Variants in GRIN2C observed in about 807,000 individuals in gnomAD.
GRIN2C encodes glutamate receptor ionotropic, NMDA 2C.
Under a neutral mutation model 77.7 loss-of-function variants are expected in GRIN2C, and 64 were observed. The ratio of observed to expected loss-of-function variants is 0.82; its 90% CI spans 0.67 to 1.01. GRIN2C has a LOEUF of 1.01. Among genes scored for constraint, GRIN2C ranks in the 50% least tolerant of loss-of-function variants. The probability of loss-of-function intolerance (pLI) is 0.00; values close to 1 mark genes in which losing one functional copy is unlikely to be tolerated. For missense variants in GRIN2C, 1,549 were observed against 1,486.0 expected, an observed-to-expected ratio of 1.04 and a Z score of -0.70; for synonymous variants, 792 against 643.4, an observed-to-expected ratio of 1.23 and a Z score of -3.49.
chr17:74,842,886 C>T lies in GRIN2C; in HGVS notation c.3251G>A (p.Ser1084Asn). Reference sequence around the variant, plus strand: ...CCGAGCGAAGGCCTCGGCCACGGAGCTGGGCAGGGAAGCGTGACGCGGGCG... The same window carrying T: ...CCGAGCGAAGGCCTCGGCCACGGAGTTGGGCAGGGAAGCGTGACGCGGGCG... Reference protein sequence around the residue: ...GSRPRHASLPSSVAEAFARPS... With the variant: ...GSRPRHASLPNSVAEAFARPS... Residue 1084 changes from serine to asparagine, a missense_variant, in exon 13 of 13, where the codon AGC (serine) becomes AAC (asparagine). By Grantham distance (46) the Ser-to-Asn change is conservative. This residue lies in a region of GRIN2C where 450 missense variants were observed against 267.9 expected (regional missense o/e 1.68). Coordinates refer to ENST00000293190, the MANE Select transcript of GRIN2C (RefSeq NM_000835.6). 1 of 574,470 alleles carries T rather than the reference C, an allele frequency of 1.7e-6. No individual in the cohort carries two copies. The highest frequency in any genetic ancestry group is 3.0e-6 in the Non-Finnish European group (1 of 331,234). 35.6% of individuals were successfully genotyped at this position (574,470 alleles called of 1,614,324 possible).
At chr17:74,844,214 C>T (rs1001033501) in intron 12 of GRIN2C, 62 bp downstream of exon 12, 17 of 1,594,578 alleles carry the variant, frequency 1.1e-5, no homozygotes, top group Admixed American at 1.7e-5. Context: ...ATGGCCAGCC[C>T]GGACTTATCT....
chr17:74,850,047 T>C lies in GRIN2C; in HGVS notation c.1492-114A>G. 1 of 1,366,852 alleles carries C rather than the reference T, an allele frequency of 7.3e-7. No homozygotes were observed. The highest frequency in any genetic ancestry group is 1.0e-6 in the Non-Finnish European group (1 of 987,830). The allele number at this position is 1,366,852 out of a possible 1,614,324, so 84.7% of individuals were successfully genotyped here. A position where few individuals can be genotyped will look rare whatever the true frequency, so the allele number is the denominator to read the frequency against. ...CCCACCAGCTGAGTCAATCATTCCC[T>C]CTGGGGCCCTCAGAGCTCAGCTTTC... On this transcript the variant is annotated intron_variant, in intron 6 of 12. Coordinates refer to ENST00000293190, the MANE Select transcript of GRIN2C (RefSeq NM_000835.6). The surrounding 1 kb of genome is among the most constrained non-coding windows in gnomAD (Gnocchi z 5.3).
In GRIN2C at chr17:74,851,778, CATTG is replaced by C. The variant is rs1325456224; in HGVS notation, c.999-91_999-88del. The C allele has an allele frequency of 9.9e-5, 84 of 846,612 alleles. 2 individuals carry two copies. In the South Asian group the frequency reaches 1.2e-3, roughly 12 times the overall value. 52.4% of individuals were successfully genotyped at this position (846,612 alleles called of 1,614,324 possible). ...CACCGCCGCCACCGACAGCAGGTGGCATTGATTGTGTTTATTGTTCAAAGTGCTT... is the reference window on the plus strand; with the variant it reads ...CACCGCCGCCACCGACAGCAGGTGGCATTGTGTTTATTGTTCAAAGTGCTT... On this transcript the variant is annotated intron_variant, in intron 3 of 12. Coordinates refer to ENST00000293190, the MANE Select transcript of GRIN2C (RefSeq NM_000835.6).
At position 74,850,302 on chromosome 17, in the gene GRIN2C, C is replaced by T. The variant is rs769848963; in HGVS notation, c.1395G>A (p.Leu465=). Residue 465 remains leucine, a synonymous_variant, in exon 6 of 13, where the codon CTG becomes CTA. Transcript: ENST00000293190. This position sits in a 1 kb window ranked among gnomAD's most constrained non-coding sequence, Gnocchi z 5.3. ...CGTAGGAGAATTTGACCACTCTGGC[C>T]AGCTTCTTGAGGATGTCGATGCAGA... The part of the protein sequence containing the change: ...KGFCIDILKK[L]ARVVKFSYDL... 1 of 1,613,920 alleles carries T rather than the reference C, an allele frequency of 6.2e-7. No individual in the cohort carries two copies. Among genetic ancestry groups the T allele is most frequent in the Non-Finnish European group, 8.5e-7 (1 of 1,179,968 alleles).
rs771710859 is a variant in GRIN2C, at chr17:74,850,213, A to G, written c.1484T>C (p.Ile495Thr). The G allele has an allele frequency of 1.9e-6, 3 of 1,613,174 alleles. No individual in the cohort carries two copies. Among genetic ancestry groups the G allele is most frequent in the Middle Eastern group, 1.6e-4 (1 of 6,084 alleles). ...KRVRGVWNGM[I>T]GEVYYKRADM... ...GAGTGGGGTGGGGCCTACCTCCCCA[A>G]TCATGCCGTTCCATACGCCGCGCAC... is the stretch of plus-strand genomic sequence containing the variant. Residue 495 changes from isoleucine to threonine, a missense_variant, in exon 6 of 13, where the codon ATT becomes ACT. Coordinates refer to ENST00000293190, the MANE Select transcript of GRIN2C (RefSeq NM_000835.6). The surrounding 1 kb of genome is among the most constrained non-coding windows in gnomAD (Gnocchi z 5.3).
In GRIN2C at chr17:74,859,302, G is replaced by A. The variant is rs2037895867; in HGVS notation, c.-16+442C>T. Among the ~76,000 whole-genome samples, 1 of 152,132 alleles carries A rather than the reference G, an allele frequency of 6.6e-6. No individual in the cohort carries two copies. Among genetic ancestry groups the A allele is most frequent in the Non-Finnish European group, 1.5e-5 (1 of 68,020 alleles). On this transcript the variant is annotated intron_variant, in intron 1 of 12. Transcript: ENST00000293190. This position sits in a 1 kb window ranked among gnomAD's most constrained non-coding sequence, Gnocchi z 5.9. Reference sequence around the variant, plus strand: ...GCAGGACACAGCAGCATCTAGAAGGGTCTGAGCACCTTCCCAGGCTGGGGG... The same window carrying A: ...GCAGGACACAGCAGCATCTAGAAGGATCTGAGCACCTTCCCAGGCTGGGGG...
intron 11 of GRIN2C, among the ~76,000 whole-genome samples, chr17:74,844,821 C>T (rs2037407647): frequency 6.6e-6 from 1 of 152,142 alleles, no homozygotes; most frequent in South Asian, 2.1e-4. Flanking sequence ...TTCATTCACT[C>T]CTCTTCATAT....
Position 74,846,879 on chromosome 17 carries a change from G to C in GRIN2C, c.2043C>G (p.Gly681=). The C allele has an allele frequency of 6.2e-7, 1 of 1,614,066 alleles. No homozygotes were observed. Among genetic ancestry groups the C allele is most frequent in the Non-Finnish European group, 8.5e-7 (1 of 1,179,986 alleles). The change falls in exon 10 of 13, where the codon GGC becomes GGG. Residue 681 remains glycine, a synonymous_variant. Coordinates refer to ENST00000293190, the MANE Select transcript of GRIN2C (RefSeq NM_000835.6). The surrounding 1 kb of genome is among the most constrained non-coding windows in gnomAD (Gnocchi z 4.4). ...PQDQYPPFRF[G]TVPNGSTERN... ...GCTCCGTGCTGCCGTTGGGCACCGT[G>C]CCGAAGCGGAAAGGTGGGTACTGAT...
chr17:74,860,471 C>T (rs944393937), upstream of GRIN2C: 1 of 456,702 alleles, frequency 2.2e-6, no homozygotes, highest in African/African-American at 2.0e-5. Context: ...TGCAGGGTCG[C>T]GGGACGCACC....
intron 12 of GRIN2C, among the ~76,000 whole-genome samples, chr17:74,843,814 G>T (rs1049118612): frequency 7.9e-5 from 12 of 151,692 alleles, no homozygotes; most frequent in Non-Finnish European, 1.5e-4. Context: ...CTGTGGGGGG[G>T]ACTCTGACCC....
Position 74,847,856 on chromosome 17 carries a change from G to C in GRIN2C, c.1767C>G (p.Gly589=), listed in dbSNP as rs763873866. 78 of 1,613,908 alleles carry C rather than the reference G, an allele frequency of 4.8e-5. No homozygotes were observed. The highest frequency in any genetic ancestry group is 1.7e-6 in the Non-Finnish European group (2 of 1,179,988). ...PVSYNQNLTR[G]KKSGGPAFTI... Reference sequence around the variant, plus strand: ...CCGGGCCCAGGCAAGGCTTACTCTTGCCTCTGGTGAGGTTCTGGTTGTAGC... The same window carrying C: ...CCGGGCCCAGGCAAGGCTTACTCTTCCCTCTGGTGAGGTTCTGGTTGTAGC... Residue 589 remains glycine (G), a synonymous_variant, in exon 8 of 13, where the codon GGC becomes GGG. Transcript: ENST00000293190. The surrounding 1 kb of genome is among the most constrained non-coding windows in gnomAD (Gnocchi z 5.2).
chr17:74,851,564 A>AC lies in GRIN2C; in HGVS notation c.1113+12dup. The AC allele has an allele frequency of 1.3e-6, 2 of 1,503,406 alleles. No individual in the cohort carries two copies. The highest frequency in any genetic ancestry group is 1.8e-6 in the Non-Finnish European group (2 of 1,102,436). The allele number at this position is 1,503,406 out of a possible 1,614,324, so 93.1% of individuals were successfully genotyped here. On this transcript the variant is annotated intron_variant, in intron 4 of 12. Transcript: ENST00000293190. Reference sequence around the variant, plus strand: ...GAGGACACTGAGGGCCCCTGGGCTCACCCCCTTCTCACCATCTCCCAGAGG... The same window carrying AC: ...GAGGACACTGAGGGCCCCTGGGCTCACCCCCCTTCTCACCATCTCCCAGAGG...
At chr17:74,856,481 CT>C (rs35686686) in intron 1 of GRIN2C, among the ~76,000 whole-genome samples, 113 of 135,228 alleles carry the variant, frequency 8.4e-4, no homozygotes, top group African/African-American at 1.3e-3. Context: ...CTCTCTCTCT[CT>C]TTTTTTTTTT....
At chr17:74,852,733 G>A (rs543852246) in intron 2 of GRIN2C, 122 bp from the exon 3 acceptor site, 26 of 498,094 alleles carry the variant, frequency 5.2e-5, no homozygotes, top group Non-Finnish European at 7.5e-5. Context: ...TCCGCATTCC[G>A]GGAGCCCTCT....
intron 1 of GRIN2C, among the ~76,000 whole-genome samples, chr17:74,857,270 AG>A (rs2037843234): frequency 6.6e-6 from 1 of 152,234 alleles, no homozygotes; most frequent in East Asian, 1.9e-4. Flanking sequence ...CATAGCTGAA[AG>A]GGTTCTCATT....
Position 74,844,345 on chromosome 17 carries a change from C to T in GRIN2C, c.2514G>A (p.Leu838=), listed in dbSNP as rs750847996. ...CCGAGTGGCGCAGCTTCCAGTAGAC[C>T]AGGTGCTCCCAGGCGAAGACCAGCA... ...LALLVFAWEH[L]VYWKLRHSVP... is the part of the protein sequence containing the mutation. Residue 838 remains leucine, a synonymous_variant, in exon 12 of 13, where the codon CTG becomes CTA. Coordinates refer to ENST00000293190, the MANE Select transcript of GRIN2C (RefSeq NM_000835.6). 6.2e-6 allele frequency: 10 copies of T among 1,613,968 alleles called. No individual in the cohort carries two copies. The highest frequency in any genetic ancestry group is 1.7e-5 in the Admixed American group (1 of 60,006).
rs2037594418 is a variant in GRIN2C at position 74,850,248 on chromosome 17, A to G, written c.1449T>C (p.His483=). ...TCCATACGCCGCGCACCCGCTTGCC[A>G]TGCTTGCCGTTGGTCACCAGGTACA... ...YDLYLVTNGK[H]GKRVRGVWNG... The change falls in exon 6 of 13, where the codon CAT becomes CAC. Residue 483 remains histidine (H), a synonymous_variant. Transcript: ENST00000293190. The surrounding 1 kb of genome is among the most constrained non-coding windows in gnomAD (Gnocchi z 5.3). 2 of 1,613,720 alleles carry G rather than the reference A, an allele frequency of 1.2e-6. No individual in the cohort carries two copies. Among genetic ancestry groups the G allele is most frequent in the South Asian group, 1.1e-5 (1 of 91,072 alleles).
At position 74,846,309 on chromosome 17, in the gene GRIN2C, G is replaced by A. The variant is rs1017150868; in HGVS notation, c.2163-56C>T. 1.2e-4 allele frequency: 178 copies of A among 1,506,976 alleles called. 3 individuals carry two copies. In the South Asian group the frequency reaches 1.4e-3, roughly 12 times the overall value. The allele number at this position is 1,506,976 out of a possible 1,614,324, so 93.4% of individuals were successfully genotyped here. On this transcript the variant is annotated intron_variant, in intron 10 of 12. Transcript: ENST00000293190. This position sits in a 1 kb window ranked among gnomAD's most constrained non-coding sequence, Gnocchi z 4.4. Reference sequence around the variant, plus strand: ...ACCATATGGGAGGGGAGGGGACACCGAAACTGGGGCGTGACAGGGGTCTAA... The same window carrying A: ...ACCATATGGGAGGGGAGGGGACACCAAAACTGGGGCGTGACAGGGGTCTAA...
upstream of GRIN2C, chr17:74,860,407 G>C (rs773620724): frequency 2.2e-5 from 10 of 456,556 alleles, no homozygotes; most frequent in Admixed American, 2.1e-4. Flanking sequence ...TGGACGAATG[G>C]GGTGGGCATC....
Sources: gnomAD v4.1 joint callset for allele counts (sites outside exome capture counted in the v4.1 genomes callset) on GRCh38, gnomAD v4.1.1 for gene constraint, gnomAD v4.1.1 regional missense constraint, Gnocchi (gnomAD v3.1) non-coding constraint, MANE v1.5 for transcripts, NCBI Gene and HGNC (gene_info 2026-07-23, HGNC 2026-07-21) for gene names.